FANCA: variants seen among roughly 807,000 people sequenced by gnomAD.
FANCA encodes the protein FA complementation group A.
In FANCA, 236 loss-of-function variants were observed where a neutral mutation model predicts 194.3. The ratio of observed to expected loss-of-function variants is 1.21; its 90% CI spans 1.09 to 1.35. The LOEUF is 1.35. Among genes scored for constraint, FANCA ranks in the 40% most tolerant of loss-of-function variants. The pLI is 0.00. For synonymous variants in FANCA, 1,014 were observed against 715.8 expected (o/e 1.42, Z -6.65); for missense variants, 2,628 against 1,813.9 (o/e 1.45, Z -8.15).
intron 20 of FANCA, chr16:89,778,382 C>T (rs2039584999): frequency 2.6e-6 from 1 of 379,600 alleles, no homozygotes; most frequent in Non-Finnish European, 5.1e-6. Flanking sequence ...AGGACAATTG[C>T]TCCAACCCAG....
At chr16:89,761,235 C>A (rs1039657256) in intron 29 of FANCA, among the ~76,000 whole-genome samples, 2 of 152,138 alleles carry the variant, frequency 1.3e-5, no homozygotes, top group East Asian at 3.9e-4. Context: ...CTGGTTAACA[C>A]GGTGAAACCC....
chr16:89,778,486 CTT>C (rs1333348486), intron 20 of FANCA: 1 of 221,242 alleles, frequency 4.5e-6, no homozygotes, highest in Non-Finnish European at 8.6e-6. Flanking sequence ...AAAAAAAAAA[CTT>C]AGCCAGGCAC....
chr16:89,745,438 G>C (rs1298052101), intron 35 of FANCA, among the ~76,000 whole-genome samples: 1 of 148,290 alleles, frequency 6.7e-6, no homozygotes, highest in Non-Finnish European at 1.5e-5. Flanking sequence ...AAACAGTGAA[G>C]GGACCACACT....
At chr16:89,801,568 G>T (rs371116460) in intron 8 of FANCA, among the ~76,000 whole-genome samples, 1 of 152,124 alleles carries the variant, frequency 6.6e-6, no homozygotes, top group Non-Finnish European at 1.5e-5. Context: ...TAGTTGGGTA[G>T]TTCTAAAAAC....
intron 2 of FANCA, among the ~76,000 whole-genome samples, chr16:89,815,524 T>G (rs139608200): frequency 1.3e-5 from 2 of 151,528 alleles, no homozygotes; most frequent in South Asian, 4.2e-4. Flanking sequence ...CCCAGCTAAT[T>G]TTTGTATTTT....
chr16:89,812,732 A>G (rs573328542), intron 3 of FANCA, among the ~76,000 whole-genome samples: 1 of 151,580 alleles, frequency 6.6e-6, no homozygotes, highest in South Asian at 2.1e-4. Flanking sequence ...CATTATCAAT[A>G]CATAAGTAAA....
rs56258985 is a variant in FANCA at position 89,797,338 on chromosome 16, T to C, written c.894-1320A>G. Among the ~76,000 whole-genome samples the C allele has an allele frequency of 5.5e-3, 829 of 149,830 alleles. 6 individuals are homozygous for C. The highest frequency in any genetic ancestry group is 0.02 in the African/African-American group (800 of 40,766). ...ACAGTGAGACTCTGTCTCAAAAAAA[T>C]AAAGAAAGAAAGAAAGAAAATCAAG... On this transcript the variant is annotated intron_variant, in intron 10 of 42. Coordinates refer to ENST00000389301, the MANE Select transcript of FANCA (RefSeq NM_000135.4).
At chr16:89,752,775 C>T (rs547046771) in intron 30 of FANCA, among the ~76,000 whole-genome samples, 1 of 152,322 alleles carries the variant, frequency 6.6e-6, no homozygotes, top group Non-Finnish European at 1.5e-5. Context: ...CTTGGTCTAG[C>T]GGTGATGCCA....
intron 29 of FANCA, among the ~76,000 whole-genome samples, chr16:89,760,526 C>G (rs910063738): frequency 6.6e-6 from 1 of 152,124 alleles, no homozygotes. Flanking sequence ...ATATACCCAC[C>G]AGGATACTCC....
chr16:89,737,697 C>A lies in FANCA; in HGVS notation c.*904G>T, dbSNP rs1264597634. 3 of 1,574,744 alleles carry A rather than the reference C, an allele frequency of 1.9e-6. No individual in the cohort carries two copies. The highest frequency in any genetic ancestry group is 2.7e-5 in the African/African-American group (2 of 74,190). Reference sequence around the variant, plus strand: ...TTGCTTGGGCCCACTGCATGGTGAACCATGTGCAGAAATGTCTTCCCAGCT... The same window carrying A: ...TTGCTTGGGCCCACTGCATGGTGAAACATGTGCAGAAATGTCTTCCCAGCT... On this transcript the variant is annotated 3_prime_UTR_variant, in exon 43 of 43. Coordinates refer to ENST00000389301, the MANE Select transcript of FANCA (RefSeq NM_000135.4).
intron 1 of FANCA, 186 bp from the exon 2 acceptor site, chr16:89,816,172 A>C (rs919683948): frequency 4.8e-5 from 31 of 647,236 alleles, no homozygotes; most frequent in African/African-American, 3.8e-4. Context: ...GACGCCGGGG[A>C]AGACGGCCCA....
intron 29 of FANCA, among the ~76,000 whole-genome samples, chr16:89,761,023 G>A (rs982129192): frequency 6.6e-6 from 1 of 152,160 alleles, no homozygotes; most frequent in Non-Finnish European, 1.5e-5. Context: ...GGGCAGGCTT[G>A]TTTATTCCCC....
chr16:89,769,606 T>C, intron 26 of FANCA: 1 of 591,552 alleles, frequency 1.7e-6, no homozygotes, highest in Non-Finnish European at 3.0e-6. Context: ...CTACTATTAA[T>C]TTCAGCAGTT....
intron 27 of FANCA, among the ~76,000 whole-genome samples, 181 bp from the exon 28 acceptor site, chr16:89,765,247 C>T (rs566486163): frequency 6.6e-6 from 1 of 151,904 alleles, no homozygotes; most frequent in African/African-American, 2.4e-5. Context: ...GGACCTCAGT[C>T]CAGCCCCTGG....
At chr16:89,790,437 A>G (rs1428846879) in intron 14 of FANCA, among the ~76,000 whole-genome samples, 1 of 149,564 alleles carries the variant, frequency 6.7e-6, no homozygotes, top group Non-Finnish European at 1.5e-5. Context: ...AAATAAATAA[A>G]TAAAAAGGAA....
chr16:89,795,811 A>G (rs1045319801), intron 11 of FANCA, 95 bp downstream of exon 11: 11 of 880,212 alleles, frequency 1.2e-5, no homozygotes, highest in Non-Finnish European at 2.1e-5. Context: ...GAGGTCCTAG[A>G]ATTCCTGGCA....
intron 10 of FANCA, among the ~76,000 whole-genome samples, 197 bp from the exon 11 acceptor site, chr16:89,796,215 C>T (rs1040043092): frequency 2.6e-5 from 4 of 152,006 alleles, no homozygotes; most frequent in Admixed American, 1.3e-4. Flanking sequence ...GGCAAGGCAA[C>T]GGCGAAACCC....
chr16:89,771,156 A>C (rs1216603891), intron 23 of FANCA, among the ~76,000 whole-genome samples: 1 of 112,484 alleles, frequency 8.9e-6, no homozygotes, highest in Non-Finnish European at 2.0e-5. Context: ...AGACTCAGTC[A>C]AAAAAAAAAA....
intron 11 of FANCA, among the ~76,000 whole-genome samples, chr16:89,794,352 C>T (rs889038590): frequency 1.3e-5 from 2 of 151,984 alleles, no homozygotes; most frequent in African/African-American, 2.4e-5. Flanking sequence ...GAGTTCTAGA[C>T]CAGCCTGGCC....
Sources: allele counts gnomAD v4.1 joint callset (sites outside exome capture counted in the v4.1 genomes callset), GRCh38; gene constraint gnomAD v4.1.1; transcripts MANE v1.5; gene names NCBI Gene and HGNC (gene_info 2026-07-23, HGNC 2026-07-21).